B3GAT2: variants seen among roughly 807,000 people sequenced by gnomAD.
B3GAT2 encodes the protein beta-1,3-glucuronyltransferase 2.
In B3GAT2, 26 loss-of-function variants were observed where a neutral mutation model predicts 27.8. The ratio of observed to expected loss-of-function variants is 0.93; its 90% CI spans 0.68 to 1.30. B3GAT2 has a LOEUF of 1.30. Ranked by LOEUF, B3GAT2 falls within the 50% of genes most tolerant of loss-of-function variation. The probability of loss-of-function intolerance (pLI) is 0.00; values close to 1 mark genes in which losing one functional copy is unlikely to be tolerated. For synonymous variants in B3GAT2, 218 were observed against 195.1 expected (o/e 1.12, Z -0.98); for missense variants, 458 against 459.0 (o/e 1.00, Z 0.02).
intron 2 of B3GAT2, among the ~76,000 whole-genome samples, chr6:70,891,622 A>G (rs1392165909): frequency 6.6e-6 from 1 of 152,180 alleles, no homozygotes; most frequent in Non-Finnish European, 1.5e-5. Context: ...ATGTGCTCAA[A>G]CCCACAAATG....
intron 1 of B3GAT2, among the ~76,000 whole-genome samples, chr6:70,947,276 A>C (rs2150051783): frequency 6.6e-6 from 1 of 152,168 alleles, no homozygotes; most frequent in South Asian, 2.1e-4. Flanking sequence ...CCCTTCAAAA[A>C]ATTAATGAAT....
chr6:70,956,618 C>A lies in B3GAT2; in HGVS notation c.-189G>T. On this transcript the variant is annotated 5_prime_UTR_variant, in exon 1 of 4. Coordinates refer to ENST00000230053, the MANE Select transcript of B3GAT2 (RefSeq NM_080742.3). ...CCTGGGCGTGGAGGAGCGGCAGGTT[C>A]GCGCAAGCTAGAGCGACAAGGGGTG... is the stretch of plus-strand genomic sequence containing the variant. 7.0e-7 allele frequency: 1 copy of A among 1,430,100 alleles called. No individual in the cohort carries two copies. Among genetic ancestry groups the A allele is most frequent in the Non-Finnish European group, 9.1e-7 (1 of 1,098,868 alleles). The allele number at this position is 1,430,100 out of a possible 1,614,324, so 88.6% of individuals were successfully genotyped here. A position where few individuals can be genotyped will look rare whatever the true frequency, so the allele number is the denominator to read the frequency against.
chr6:70,874,229 C>T (rs1489797345), intron 2 of B3GAT2, among the ~76,000 whole-genome samples: 2 of 151,980 alleles, frequency 1.3e-5, no homozygotes, highest in African/African-American at 2.4e-5. Flanking sequence ...TTGTCATTAT[C>T]GTTTTAGTGA....
At chr6:70,886,771 G>A (rs1438476927) in intron 2 of B3GAT2, among the ~76,000 whole-genome samples, 1 of 152,102 alleles carries the variant, frequency 6.6e-6, no homozygotes, top group Non-Finnish European at 1.5e-5. Flanking sequence ...CAGTACTGTG[G>A]GCATCAAATC....
At chr6:70,953,506 T>C (rs964264407) in intron 1 of B3GAT2, among the ~76,000 whole-genome samples, 3 of 152,200 alleles carry the variant, frequency 2.0e-5, no homozygotes, top group African/African-American at 7.2e-5. Flanking sequence ...AGGCCTAATC[T>C]GTCCAAAAAC....
At chr6:70,903,865 C>T (rs1006926878) in intron 1 of B3GAT2, among the ~76,000 whole-genome samples, 3 of 152,066 alleles carry the variant, frequency 2.0e-5, no homozygotes, top group Non-Finnish European at 4.4e-5. Flanking sequence ...AAACATGACA[C>T]AGCAATTCCT....
At chr6:70,945,552 T>A (rs1290372308) in intron 1 of B3GAT2, among the ~76,000 whole-genome samples, 2 of 151,346 alleles carry the variant, frequency 1.3e-5, no homozygotes, top group African/African-American at 4.9e-5. Flanking sequence ...GAACAAAGCC[T>A]CCAAGAAATA....
intron 1 of B3GAT2, among the ~76,000 whole-genome samples, chr6:70,919,333 C>T (rs150868597): frequency 3.3e-5 from 5 of 152,202 alleles, no homozygotes; most frequent in East Asian, 1.9e-4. Flanking sequence ...AGCTTCCTCG[C>T]GATTGGTTAG....
At chr6:70,934,740 G>A (rs554703424) in intron 1 of B3GAT2, among the ~76,000 whole-genome samples, 67 of 152,078 alleles carry the variant, frequency 4.4e-4, no homozygotes, top group African/African-American at 1.4e-3. Context: ...ACTTCTTTAC[G>A]TAAAAAAAAG....
chr6:70,925,220 G>A (rs972322105), intron 1 of B3GAT2, among the ~76,000 whole-genome samples: 4 of 152,252 alleles, frequency 2.6e-5, no homozygotes, highest in Admixed American at 2.6e-4. Context: ...TACAGCTCAT[G>A]CATCTGCGTG....
At chr6:70,946,930 C>A (rs1226282320) in intron 1 of B3GAT2, among the ~76,000 whole-genome samples, 1 of 152,162 alleles carries the variant, frequency 6.6e-6, no homozygotes, top group Non-Finnish European at 1.5e-5. Context: ...AAGAAACTTA[C>A]TCAAAACTGC....
intron 1 of B3GAT2, among the ~76,000 whole-genome samples, chr6:70,945,678 T>G (rs1409749250): frequency 1.4e-5 from 2 of 146,086 alleles, no homozygotes; most frequent in African/African-American, 5.1e-5. Flanking sequence ...ATTTCCCCAA[T>G]CTAGTATGGC....
At chr6:70,892,188 T>C (rs886774937) in intron 2 of B3GAT2, among the ~76,000 whole-genome samples, 1 of 152,188 alleles carries the variant, frequency 6.6e-6, no homozygotes, top group African/African-American at 2.4e-5. Context: ...TATACTGAAA[T>C]GCTTAGAAAA....
chr6:70,893,402 G>A (rs1051900077), intron 2 of B3GAT2, among the ~76,000 whole-genome samples: 4 of 137,318 alleles, frequency 2.9e-5, no homozygotes, highest in African/African-American at 7.5e-5. Flanking sequence ...AGATGTCACC[G>A]AATTTTTTTT....
chr6:70,912,864 T>C (rs1772710005), intron 1 of B3GAT2, among the ~76,000 whole-genome samples: 1 of 152,332 alleles, frequency 6.6e-6, no homozygotes, highest in East Asian at 1.9e-4. Flanking sequence ...TATTGGTCTG[T>C]TCAGGGTTTC....
At chr6:70,950,699 A>G (rs1443801714) in intron 1 of B3GAT2, among the ~76,000 whole-genome samples, 1 of 152,188 alleles carries the variant, frequency 6.6e-6, no homozygotes, top group Admixed American at 6.6e-5. Flanking sequence ...AGTCCTCTGT[A>G]CTCACCAAGG....
chr6:70,885,700 C>T (rs1395270398), intron 2 of B3GAT2, among the ~76,000 whole-genome samples: 2 of 152,206 alleles, frequency 1.3e-5, no homozygotes, highest in African/African-American at 4.8e-5. Flanking sequence ...ATTCACAGAA[C>T]AGCAGGAACT....
chr6:70,928,600 T>A (rs535408900), intron 1 of B3GAT2, among the ~76,000 whole-genome samples: 97 of 152,188 alleles, frequency 6.4e-4, no homozygotes, highest in Non-Finnish European at 1.2e-3. Flanking sequence ...AATAGAAAAA[T>A]TCCTGGACAC....
At chr6:70,908,484 T>C (rs981058862) in intron 1 of B3GAT2, among the ~76,000 whole-genome samples, 6 of 152,132 alleles carry the variant, frequency 3.9e-5, no homozygotes, top group African/African-American at 9.7e-5. Context: ...TTATGAGAAT[T>C]TGAATTTGAA....
Sources: gnomAD v4.1 joint callset for allele counts (sites outside exome capture counted in the v4.1 genomes callset) on GRCh38, gnomAD v4.1.1 for gene constraint, MANE v1.5 for transcripts, NCBI Gene and HGNC (gene_info 2026-07-23, HGNC 2026-07-21) for gene names.